Variants in NRCAM observed in about 807,000 individuals in gnomAD.
The protein encoded by NRCAM is NgCAM-related cell adhesion molecule.
In NRCAM, 83 loss-of-function variants were observed where a neutral mutation model predicts 156.5. That is an observed-to-expected ratio of 0.53 (90% CI 0.44 to 0.64). NRCAM has a LOEUF of 0.64. Among genes scored for constraint, NRCAM ranks in the 30% least tolerant of loss-of-function variants. The probability of loss-of-function intolerance (pLI) is 0.00; values close to 1 mark genes in which losing one functional copy is unlikely to be tolerated. For missense variants in NRCAM, 1,417 were observed against 1,597.3 expected (o/e 0.89, Z 1.92); for synonymous variants, 538 against 563.9 (o/e 0.95, Z 0.65).
chr7:108,410,257 A>T (rs1457123980), intron 1 of NRCAM, among the ~76,000 whole-genome samples: 1 of 152,248 alleles, frequency 6.6e-6, no homozygotes, highest in Non-Finnish European at 1.5e-5. Context: ...AATTCTAGTC[A>T]CTATGACTGT....
chr7:108,253,444 G>A (rs1346770812), intron 3 of NRCAM, among the ~76,000 whole-genome samples: 1 of 152,166 alleles, frequency 6.6e-6, no homozygotes, highest in Non-Finnish European at 1.5e-5. Flanking sequence ...GAAGAGGGAA[G>A]CCATGAGTAA....
chr7:108,434,541 TACACACACACACACACACACACAC>T (rs141756969), intron 1 of NRCAM, among the ~76,000 whole-genome samples: 1 of 141,150 alleles, frequency 7.1e-6, no homozygotes, highest in Non-Finnish European at 1.5e-5. Context: ...CAATGGAATG[TACACACACACACACACACACACAC>T]ACACACACAC....
At chr7:108,369,034 T>G (rs2154338566) in intron 2 of NRCAM, among the ~76,000 whole-genome samples, 1 of 152,314 alleles carries the variant, frequency 6.6e-6, no homozygotes, top group African/African-American at 2.4e-5. Context: ...TAAAAATACT[T>G]AATGTATTCT....
intron 3 of NRCAM, among the ~76,000 whole-genome samples, chr7:108,287,655 CAT>C (rs60247072): frequency 0.46 from 69,156 of 151,282 alleles, 16,535 homozygotes; most frequent in Non-Finnish European, 0.54. Context: ...ACCAATAACA[CAT>C]GAGATACCAT....
At chr7:108,274,470 G>A (rs113953377) in intron 3 of NRCAM, among the ~76,000 whole-genome samples, 6,193 of 152,204 alleles carry the variant, frequency 0.041, 174 homozygotes, top group South Asian at 0.11. Flanking sequence ...TTGTAAGTTG[G>A]ATTCCTAGGT....
At chr7:108,369,342 G>GT (rs1251634440) in intron 2 of NRCAM, among the ~76,000 whole-genome samples, 1 of 151,956 alleles carries the variant, frequency 6.6e-6, no homozygotes. Flanking sequence ...TATCAGAATA[G>GT]TATATAGAAT....
intron 1 of NRCAM, among the ~76,000 whole-genome samples, chr7:108,419,957 G>A: frequency 6.6e-6 from 1 of 151,760 alleles, no homozygotes; most frequent in Non-Finnish European, 1.5e-5. Context: ...TCCATTTTAT[G>A]TACAACACAG....
At chr7:108,313,801 T>C (rs1004970547) in intron 2 of NRCAM, among the ~76,000 whole-genome samples, 1 of 151,932 alleles carries the variant, frequency 6.6e-6, no homozygotes, top group Non-Finnish European at 1.5e-5. Flanking sequence ...TTTCACTTTT[T>C]AAAAAAAACC....
chr7:108,194,537 C>A, intron 15 of NRCAM, 109 bp from the exon 16 acceptor site: 1 of 723,906 alleles, frequency 1.4e-6, no homozygotes, highest in Non-Finnish European at 2.2e-6. Context: ...GTGAAAGTTG[C>A]AAGGCTAGAA....
chr7:108,271,901 A>G (rs148349645), intron 3 of NRCAM, among the ~76,000 whole-genome samples: 41 of 152,348 alleles, frequency 2.7e-4, no homozygotes, highest in African/African-American at 9.6e-4. Context: ...ATAAACTAGC[A>G]AGCAAAATTT....
intron 2 of NRCAM, among the ~76,000 whole-genome samples, chr7:108,379,569 G>A (rs745876057): frequency 2.0e-5 from 3 of 152,010 alleles, no homozygotes; most frequent in Non-Finnish European, 2.9e-5. Context: ...CACAACTGAC[G>A]GGTGTACTTA....
chr7:108,376,139 G>T (rs1301712845), intron 2 of NRCAM, among the ~76,000 whole-genome samples: 1 of 152,178 alleles, frequency 6.6e-6, no homozygotes, highest in Non-Finnish European at 1.5e-5. Context: ...AATCTGGAGA[G>T]GCCCTGAATC....
chr7:108,180,475 G>T, intron 24 of NRCAM, 48 bp from the exon 25 acceptor site: 1 of 1,441,754 alleles, frequency 6.9e-7, no homozygotes, highest in Non-Finnish European at 9.7e-7. Flanking sequence ...GAGCAAACAA[G>T]ATTCCTTATG....
At chr7:108,396,441 G>A (rs1372413379) in intron 2 of NRCAM, among the ~76,000 whole-genome samples, 4 of 152,096 alleles carry the variant, frequency 2.6e-5, no homozygotes, top group Admixed American at 1.3e-4. Flanking sequence ...CTAATGCAGC[G>A]TTTCCATAAA....
At chr7:108,450,016 C>A (rs561516027) in intron 1 of NRCAM, among the ~76,000 whole-genome samples, 1 of 152,024 alleles carries the variant, frequency 6.6e-6, no homozygotes, top group Non-Finnish European at 1.5e-5. Flanking sequence ...TAGTTTCCAG[C>A]CCTTCCTACC....
Position 108,180,238 on chromosome 7 carries a change from T to G in NRCAM, c.2836A>C (p.Asn946His), listed in dbSNP as rs760962802. The change falls in exon 25 of 33, where the codon AAT becomes CAT. Residue 946 changes from asparagine to histidine, a missense_variant. Transcript: ENST00000379028. ...EGPASPDRVFNTPEGVPSAPS... is the reference protein window; with the variant it reads ...EGPASPDRVFHTPEGVPSAPS... ...CATTCCATACCTCCTTCTGGAGTAT[T>G]AAAGACTCTGTCAGGGCTGGCTGGG... 6.2e-7 allele frequency: 1 copy of G among 1,614,146 alleles called. No individual in the cohort carries two copies. The highest frequency in any genetic ancestry group is 1.1e-5 in the South Asian group (1 of 91,072).
chr7:108,219,973 C>T (rs969113388), intron 11 of NRCAM, among the ~76,000 whole-genome samples: 1 of 151,992 alleles, frequency 6.6e-6, no homozygotes, highest in African/African-American at 2.4e-5. Context: ...TCCAGAAAGG[C>T]CCTAGAACTC....
intron 1 of NRCAM, among the ~76,000 whole-genome samples, chr7:108,433,407 A>G (rs7806869): frequency 0.24 from 37,115 of 152,010 alleles, 4,873 homozygotes; most frequent in Non-Finnish European, 0.29. Flanking sequence ...ATTGCTCCCC[A>G]AAGTGTGGTT....
chr7:108,154,520 G>A lies in NRCAM; in HGVS notation c.3678-4373C>T, dbSNP rs561952469. ...GGGCTCCCCCAAAACATCCATTCAC[G>A]CCAGCTTAACGGCTGTGGTGGAGGA... On this transcript the variant is annotated intron_variant, in intron 32 of 32. Coordinates refer to ENST00000379028, the MANE Select transcript of NRCAM (RefSeq NM_001037132.4). Among the ~76,000 whole-genome samples the A allele has an allele frequency of 4.6e-5, 7 of 151,396 alleles. No homozygotes were observed. The East Asian group carries it at 7.7e-4, about 17-fold the overall frequency.
Sources: gnomAD v4.1 joint callset for allele counts (sites outside exome capture counted in the v4.1 genomes callset) on GRCh38, gnomAD v4.1.1 for gene constraint, MANE v1.5 for transcripts, NCBI Gene and HGNC (gene_info 2026-07-23, HGNC 2026-07-21) for gene names.